Variants in CTNNA2 observed in about 807,000 individuals in gnomAD.
CTNNA2 encodes the protein catenin alpha-2.
In CTNNA2, 42 loss-of-function variants were observed where a neutral mutation model predicts 101.0. The ratio of observed to expected loss-of-function variants is 0.42; its 90% confidence interval spans 0.32 to 0.54. The LOEUF is 0.54. CTNNA2 is among the 20% of genes least tolerant of loss of function. The probability of loss-of-function intolerance (pLI) is 0.14; values close to 1 mark genes in which losing one functional copy is unlikely to be tolerated. For synonymous variants in CTNNA2, 450 were observed against 456.4 expected (o/e 0.99, Z 0.18); for missense variants, 871 against 1,223.1 (o/e 0.71, Z 4.29).
chr2:79,778,751 T>C (rs944654486), intron 3 of CTNNA2, among the ~76,000 whole-genome samples: 1 of 152,200 alleles, frequency 6.6e-6, no homozygotes, highest in Non-Finnish European at 1.5e-5. Context: ...CTCTCCTCTC[T>C]CTTCTCACTG....
chr2:79,954,825 G>T (rs1027760621), intron 7 of CTNNA2, among the ~76,000 whole-genome samples: 24 of 152,172 alleles, frequency 1.6e-4, no homozygotes, highest in Non-Finnish European at 1.5e-5. Context: ...CAATATCGTT[G>T]TTATTCAGAG....
intron 2 of CTNNA2, among the ~76,000 whole-genome samples, chr2:79,726,949 A>G (rs993787391): frequency 6.6e-6 from 1 of 152,224 alleles, no homozygotes; most frequent in Admixed American, 6.5e-5. Context: ...TAGTCTAATT[A>G]GGCAATCACT....
At chr2:80,200,508 A>G (rs1354297431) in intron 7 of CTNNA2, among the ~76,000 whole-genome samples, 1 of 148,678 alleles carries the variant, frequency 6.7e-6, no homozygotes, top group Non-Finnish European at 1.5e-5. Context: ...ATGCATGGAC[A>G]TATTAAAGTG....
At chr2:79,698,236 T>A (rs1684768154) in intron 2 of CTNNA2, among the ~76,000 whole-genome samples, 1 of 152,112 alleles carries the variant, frequency 6.6e-6, no homozygotes, top group African/African-American at 2.4e-5. Flanking sequence ...AGAGTACGTT[T>A]AAGTTCTTAA....
chr2:80,175,618 G>C (rs1303279027), intron 7 of CTNNA2, among the ~76,000 whole-genome samples: 3 of 152,094 alleles, frequency 2.0e-5, no homozygotes, highest in Non-Finnish European at 4.4e-5. Flanking sequence ...TTGTCTAGAG[G>C]GATAGGACTA....
intron 7 of CTNNA2, among the ~76,000 whole-genome samples, chr2:79,998,391 G>A (rs569676717): frequency 6.6e-6 from 1 of 152,250 alleles, no homozygotes; most frequent in Admixed American, 6.5e-5. Context: ...TGTTTTGAGA[G>A]CTCAGCCTTC....
At chr2:80,195,596 T>C (rs922194537) in intron 7 of CTNNA2, among the ~76,000 whole-genome samples, 2 of 150,718 alleles carry the variant, frequency 1.3e-5, no homozygotes, top group Non-Finnish European at 3.0e-5. Context: ...AAGCCCATGG[T>C]GGAAAACCAA....
intron 4 of CTNNA2, among the ~76,000 whole-genome samples, chr2:79,501,541 G>A (rs181806945): frequency 1.3e-5 from 2 of 152,282 alleles, no homozygotes; most frequent in East Asian, 3.9e-4. Context: ...AGACTGTGGG[G>A]AAAGATTTTT....
chr2:80,358,343 C>CTTTTT (rs35040432), intron 7 of CTNNA2, among the ~76,000 whole-genome samples: 62 of 99,702 alleles, frequency 6.2e-4, no homozygotes, highest in Non-Finnish European at 8.4e-4. Flanking sequence ...TAGTATTCTA[C>CTTTTT]TTTTTTTTTT....
intron 2 of CTNNA2, among the ~76,000 whole-genome samples, chr2:79,658,337 C>T (rs748857916): frequency 2.0e-5 from 3 of 151,758 alleles, no homozygotes; most frequent in Non-Finnish European, 4.4e-5. Flanking sequence ...ATTGAAAGGA[C>T]AAGTGAGATG....
chr2:80,205,638 A>C (rs1707486661), intron 7 of CTNNA2, among the ~76,000 whole-genome samples: 1 of 152,330 alleles, frequency 6.6e-6, no homozygotes, highest in African/African-American at 2.4e-5. Context: ...TGAGGTTGAT[A>C]TTGGATGCTC....
chr2:79,973,868 CAGA>C (rs1690657417), intron 7 of CTNNA2, among the ~76,000 whole-genome samples: 2 of 152,252 alleles, frequency 1.3e-5, no homozygotes, highest in South Asian at 4.1e-4. Flanking sequence ...CCTGATAGTC[CAGA>C]AGTTCAAACA....
intron 1 of CTNNA2, among the ~76,000 whole-genome samples, chr2:79,535,679 T>A (rs1673013198): frequency 6.6e-6 from 1 of 152,054 alleles, no homozygotes; most frequent in South Asian, 2.1e-4. Flanking sequence ...TAAATAATAA[T>A]GTATTTTTAG....
intron 3 of CTNNA2, among the ~76,000 whole-genome samples, chr2:79,796,215 T>C (rs1456889985): frequency 1.3e-5 from 2 of 152,188 alleles, no homozygotes; most frequent in African/African-American, 4.8e-5. Context: ...GAAAATTAGA[T>C]ATCCAATCTT....
intron 3 of CTNNA2, among the ~76,000 whole-genome samples, chr2:79,787,405 A>G (rs1400244615): frequency 1.3e-5 from 2 of 152,272 alleles, no homozygotes; most frequent in East Asian, 3.9e-4. Context: ...GAGGAGTAGT[A>G]AAGATGAGCT....
At chr2:80,221,820 A>C (rs1708593262) in intron 7 of CTNNA2, among the ~76,000 whole-genome samples, 1 of 152,226 alleles carries the variant, frequency 6.6e-6, no homozygotes, top group Non-Finnish European at 1.5e-5. Context: ...AATGATCAAA[A>C]TGTGTGCAAG....
intron 2 of CTNNA2, among the ~76,000 whole-genome samples, chr2:79,227,466 G>A (rs775031519): frequency 8.5e-5 from 13 of 152,174 alleles, no homozygotes; most frequent in African/African-American, 2.9e-4. Flanking sequence ...GATAATATGC[G>A]TGAAAGCCCT....
chr2:80,325,726 A>C (rs1289322581), intron 7 of CTNNA2, among the ~76,000 whole-genome samples: 2 of 152,222 alleles, frequency 1.3e-5, no homozygotes, highest in African/African-American at 4.8e-5. Flanking sequence ...CATGATGAGA[A>C]TTTAGCTTGA....
chr2:80,379,748 T>A (rs1676319965), intron 7 of CTNNA2, among the ~76,000 whole-genome samples: 1 of 152,204 alleles, frequency 6.6e-6, no homozygotes. Context: ...ATCTATAATT[T>A]AAAAATGTTT....
Sources: allele counts gnomAD v4.1 joint callset (sites outside exome capture counted in the v4.1 genomes callset), GRCh38; gene constraint gnomAD v4.1.1; transcripts MANE v1.5; gene names NCBI Gene and HGNC (gene_info 2026-07-23, HGNC 2026-07-21).